The following SCMH1 variants were observed in gnomAD, a reference collection of about 807,000 sequenced individuals.
SCMH1 encodes the protein Scm polycomb group protein homolog 1.
In SCMH1, 37 loss-of-function variants were observed where a neutral mutation model predicts 70.8. The observed-to-expected ratio is 0.52, with a 90% CI of 0.40 to 0.69. The LOEUF (loss-of-function observed/expected upper bound fraction) is 0.69. SCMH1 is among the 30% of genes least tolerant of loss of function. SCMH1 has a pLI of 0.00. For synonymous variants in SCMH1, 292 were observed against 307.4 expected (o/e 0.95, Z 0.52); for missense variants, 607 against 827.3 (o/e 0.73, Z 3.27).
chr1:41,241,931 G>A (rs1412531312), intron 1 of SCMH1, 128 bp downstream of exon 1: 1 of 152,264 alleles, frequency 6.6e-6, no homozygotes, highest in Non-Finnish European at 1.5e-5. Context: ...CAGACAGACG[G>A]ACAGGCTGAC....
At chr1:41,223,705 CAGT>C (rs1249665187) in intron 1 of SCMH1, among the ~76,000 whole-genome samples, 1 of 152,102 alleles carries the variant, frequency 6.6e-6, no homozygotes, top group African/African-American at 2.4e-5. Flanking sequence ...CTTTAATTCT[CAGT>C]GGTTCATATA....
At chr1:41,211,517 C>T (rs1248902596) in intron 1 of SCMH1, among the ~76,000 whole-genome samples, 1 of 152,202 alleles carries the variant, frequency 6.6e-6, no homozygotes, top group Non-Finnish European at 1.5e-5. Flanking sequence ...CAGGAAACAA[C>T]AGATGCTGAA....
intron 2 of SCMH1, among the ~76,000 whole-genome samples, chr1:41,166,901 G>A (rs376372538): frequency 8.5e-5 from 13 of 152,182 alleles, no homozygotes; most frequent in African/African-American, 2.4e-4. Context: ...TGGTAAGAGC[G>A]GGCATCCTTG....
intron 1 of SCMH1, among the ~76,000 whole-genome samples, chr1:41,211,777 T>C (rs1176065783): frequency 6.6e-6 from 1 of 152,116 alleles, no homozygotes; most frequent in African/African-American, 2.4e-5. Flanking sequence ...AAATGTCCAT[T>C]AATGACAGAC....
intron 6 of SCMH1, among the ~76,000 whole-genome samples, chr1:41,140,947 A>G (rs12140536): frequency 0.059 from 9,020 of 152,318 alleles, 359 homozygotes; most frequent in South Asian, 0.11. Flanking sequence ...CACAACAAAT[A>G]TGTATGAAGT....
At chr1:41,139,139 C>G (rs1210948177) in intron 6 of SCMH1, among the ~76,000 whole-genome samples, 1 of 152,110 alleles carries the variant, frequency 6.6e-6, no homozygotes, top group Non-Finnish European at 1.5e-5. Context: ...CCCAGGACTG[C>G]CATCTCCAGT....
chr1:41,113,554 C>T lies in SCMH1; in HGVS notation c.502-28G>A, dbSNP rs1376908382. On this transcript the variant is annotated intron_variant, in intron 7 of 14. Coordinates refer to ENST00000337495, the Ensembl canonical transcript of SCMH1. This position sits in a 1 kb window ranked among gnomAD's most constrained non-coding sequence, Gnocchi z 4.3. ...AGATGAGAAACAGAAACATACACAC[C>T]TAGACACAAAGAGAGGCCATTATGC... 5.0e-6 allele frequency: 8 copies of T among 1,592,324 alleles called. No homozygotes were observed. The Admixed American group carries it at 1.4e-4, about 28-fold the overall frequency.
intron 1 of SCMH1, among the ~76,000 whole-genome samples, chr1:41,189,667 A>T (rs564419409): frequency 7.2e-5 from 11 of 152,346 alleles, no homozygotes; most frequent in Admixed American, 5.9e-4. Flanking sequence ...GATGGAGCAT[A>T]TCTCTTTGGT....
chr1:41,061,899 C>T (rs886478405), intron 10 of SCMH1, among the ~76,000 whole-genome samples: 2 of 152,032 alleles, frequency 1.3e-5, no homozygotes, highest in African/African-American at 4.8e-5. Context: ...GGGTCTCACT[C>T]TTTCACACAG....
chr1:41,152,650 C>G (rs1385224215), intron 4 of SCMH1: 1 of 1,614,192 alleles, frequency 6.2e-7, no homozygotes, highest in East Asian at 2.2e-5. Flanking sequence ...ATCTCACAAG[C>G]TAAAACACTG....
intron 5 of SCMH1, among the ~76,000 whole-genome samples, chr1:41,148,279 T>C (rs1360668218): frequency 2.0e-5 from 3 of 152,358 alleles, no homozygotes; most frequent in Non-Finnish European, 2.9e-5. Flanking sequence ...AATTATCTTT[T>C]ACACAGATTT....
At chr1:41,092,396 G>C (rs1663834263) in intron 8 of SCMH1, among the ~76,000 whole-genome samples, 1 of 152,168 alleles carries the variant, frequency 6.6e-6, no homozygotes, top group East Asian at 1.9e-4. Context: ...AGACTTAAAT[G>C]TTAGACCTAA....
intron 6 of SCMH1, among the ~76,000 whole-genome samples, chr1:41,134,350 A>G (rs537816377): frequency 6.6e-6 from 1 of 152,352 alleles, no homozygotes; most frequent in Non-Finnish European, 1.5e-5. Context: ...AAAAACTGGA[A>G]GCATTCCCTT....
chr1:41,194,296 C>G (rs1652462319), intron 1 of SCMH1, among the ~76,000 whole-genome samples: 1 of 152,110 alleles, frequency 6.6e-6, no homozygotes, highest in South Asian at 2.1e-4. Context: ...CTCTCTATTT[C>G]TACTATGTAT....
At chr1:41,031,445 C>G (rs1422599708) in intron 13 of SCMH1, among the ~76,000 whole-genome samples, 1 of 152,184 alleles carries the variant, frequency 6.6e-6, no homozygotes, top group Non-Finnish European at 1.5e-5. Context: ...CCTAAAAAGT[C>G]AAAGTACACT....
chr1:41,155,456 G>A (rs1161254747), intron 4 of SCMH1, among the ~76,000 whole-genome samples: 1 of 145,972 alleles, frequency 6.9e-6, no homozygotes, highest in Non-Finnish European at 1.5e-5. Context: ...TCCACATGGA[G>A]CAAAAACAAA....
intron 1 of SCMH1, among the ~76,000 whole-genome samples, chr1:41,217,374 G>A (rs1437460953): frequency 1.3e-5 from 2 of 152,156 alleles, no homozygotes; most frequent in African/African-American, 4.8e-5. Flanking sequence ...TAAAATGTGA[G>A]AGGAAAGAAA....
intron 8 of SCMH1, among the ~76,000 whole-genome samples, chr1:41,107,791 T>C (rs1233827351): frequency 6.6e-6 from 1 of 152,206 alleles, no homozygotes; most frequent in East Asian, 1.9e-4. Flanking sequence ...GTGCTGGGAT[T>C]ACAGGCGTGA....
At chr1:41,030,963 C>T (rs1644436905) in intron 13 of SCMH1, among the ~76,000 whole-genome samples, 1 of 152,210 alleles carries the variant, frequency 6.6e-6, no homozygotes, top group Non-Finnish European at 1.5e-5. Context: ...CCAGAGGTGC[C>T]TTGTTGCAAA....
Sources: gnomAD v4.1 joint callset for allele counts (sites outside exome capture counted in the v4.1 genomes callset) on GRCh38, gnomAD v4.1.1 for gene constraint, Gnocchi (gnomAD v3.1) non-coding constraint, MANE v1.5 for transcripts, NCBI Gene and HGNC (gene_info 2026-07-23, HGNC 2026-07-21) for gene names.